Variants in XRRA1 observed in about 807,000 individuals in gnomAD.
XRRA1 encodes the protein X-ray radiation resistance-associated protein 1.
XRRA1 carries 69 observed loss-of-function variants against 80.2 expected under a neutral mutation model. The ratio of observed to expected loss-of-function variants is 0.86; its 90% confidence interval spans 0.71 to 1.05. XRRA1 has a LOEUF of 1.05. XRRA1 is among the 50% of genes least tolerant of loss of function. XRRA1 has a pLI of 0.00. For synonymous variants in XRRA1, 348 were observed against 389.9 expected (o/e 0.89, Z 1.27); for missense variants, 967 against 976.4 (o/e 0.99, Z 0.13).
Position 74,841,532 on chromosome 11 carries a change from CTT to C in XRRA1, c.*1666_*1667del, listed in dbSNP as rs956876122. On this transcript the variant is annotated 3_prime_UTR_variant, in exon 19 of 19. Coordinates refer to ENST00000684022, the MANE Select transcript of XRRA1 (RefSeq NM_001378157.1). ...TATGTATTATCAGTATTTTTTTCCT[CTT>C]AAGAAAAAAATTTACTCTCTCTCCT... 2.0e-5 allele frequency: 3 copies of C among 152,006 alleles called. No homozygotes were observed. The highest frequency in any genetic ancestry group is 7.2e-5 in the African/African-American group (3 of 41,400). The allele number at this position is 152,006 out of a possible 1,614,324, so 9.4% of individuals were successfully genotyped here.
At chr11:74,881,697 G>A (rs1182502532) in intron 10 of XRRA1, among the ~76,000 whole-genome samples, 1 of 152,078 alleles carries the variant, frequency 6.6e-6, no homozygotes, top group African/African-American at 2.4e-5. Flanking sequence ...TTGTAAGGCA[G>A]GCCTGGTGGT....
At chr11:74,897,387 C>T (rs2052575172) in intron 10 of XRRA1, among the ~76,000 whole-genome samples, 1 of 151,810 alleles carries the variant, frequency 6.6e-6, no homozygotes, top group African/African-American at 2.4e-5. Context: ...CCTTAAAAAG[C>T]ACAAATCTAA....
At chr11:74,932,743 A>G (rs1464596028) in intron 5 of XRRA1, among the ~76,000 whole-genome samples, 1 of 152,164 alleles carries the variant, frequency 6.6e-6, no homozygotes, top group Admixed American at 6.5e-5. Flanking sequence ...GCTGGCCTAG[A>G]ATGGAGGGCC....
chr11:74,927,514 T>C (rs769431376), intron 6 of XRRA1, 26 bp from the exon 7 acceptor site: 12 of 1,468,880 alleles, frequency 8.2e-6, no homozygotes, highest in South Asian at 1.1e-5. Flanking sequence ...AAAGAGAGAG[T>C]CTGCAGCTTG....
At chr11:74,859,418 G>A (rs1288284789) in intron 11 of XRRA1, 135 bp from the exon 12 acceptor site, 2 of 962,500 alleles carry the variant, frequency 2.1e-6, no homozygotes, top group African/African-American at 1.7e-5. Flanking sequence ...AGACATGTAG[G>A]GTCATAAGGG....
At chr11:74,884,874 A>G (rs1197111353) in intron 10 of XRRA1, among the ~76,000 whole-genome samples, 1 of 152,264 alleles carries the variant, frequency 6.6e-6, no homozygotes, top group Non-Finnish European at 1.5e-5. Context: ...GAGAAACTAA[A>G]GAAACAAGAG....
In XRRA1 at chr11:74,851,167, C is replaced by T. The variant is rs759696934; in HGVS notation, c.1301G>A (p.Arg434Gln). Residue 434 changes from arginine to glutamine, a missense_variant, in exon 14 of 19, where the codon CGA becomes CAA. Arg to Gln is a conservative substitution (Grantham distance 43). Coordinates refer to ENST00000684022, the MANE Select transcript of XRRA1 (RefSeq NM_001378157.1). ...PPLLKSFLQE[R>Q]LGIHLIRRKI... is the part of the protein sequence containing the mutation. ...CCTTCGAATTAAGTGGATTCCCAGT[C>T]GCTCCTGGAGGAAGCTCTTCAGCAG... The T allele has an allele frequency of 9.3e-6, 15 of 1,613,008 alleles. No homozygotes were observed. The highest frequency in any genetic ancestry group is 6.7e-5 in the East Asian group (3 of 44,868).
At chr11:74,884,731 G>C (rs1195670936) in intron 10 of XRRA1, among the ~76,000 whole-genome samples, 2 of 152,100 alleles carry the variant, frequency 1.3e-5, no homozygotes, top group Non-Finnish European at 2.9e-5. Flanking sequence ...TATCACCCTA[G>C]ACAACAGGGC....
rs200079394 is a variant in XRRA1 at position 74,927,421 on chromosome 11, G to A, written c.492C>T (p.Tyr164=). The change falls in exon 7 of 19, where the codon TAC becomes TAT. Residue 164 remains tyrosine (Y), a synonymous_variant. Coordinates refer to ENST00000684022, the MANE Select transcript of XRRA1 (RefSeq NM_001378157.1). The part of the protein sequence containing the change: ...DLAFNGIKTI[Y]VKYGDFKLLE... Reference sequence around the variant, plus strand: ...ATAACTTAAAGTCTCCATATTTCACGTAGATAGTTTTGATGCCATTAAATG... The same window carrying A: ...ATAACTTAAAGTCTCCATATTTCACATAGATAGTTTTGATGCCATTAAATG... 2.3e-4 allele frequency: 373 copies of A among 1,613,022 alleles called. 1 individual carries two copies. Among genetic ancestry groups the A allele is most frequent in the East Asian group, 1.5e-3 (66 of 44,872 alleles).
intron 8 of XRRA1, chr11:74,911,495 A>G (rs1010867779): frequency 1.3e-5 from 2 of 152,200 alleles, no homozygotes; most frequent in African/African-American, 2.4e-5. Flanking sequence ...GACTTGCCTT[A>G]TTTTATGTAA....
intron 10 of XRRA1, among the ~76,000 whole-genome samples, chr11:74,888,938 C>A (rs1323497557): frequency 6.6e-6 from 1 of 152,170 alleles, no homozygotes; most frequent in African/African-American, 2.4e-5. Flanking sequence ...ATTGGTGTAC[C>A]TGAAAGTTAC....
Position 74,930,354 on chromosome 11 carries a change from TGAA to T in XRRA1, c.367_369del (p.Phe123del). ...ATATAAATCACAGAATGAAAATGCT[TGAA>T]GTCATTTTCCTTGGCCTGTAGGAAA... On this transcript the variant is annotated inframe_deletion, in exon 6 of 19. Transcript: ENST00000684022. The T allele has an allele frequency of 6.4e-7, 1 of 1,563,436 alleles. No homozygotes were observed. Among genetic ancestry groups the T allele is most frequent in the East Asian group, 2.3e-5 (1 of 42,564 alleles).
chr11:74,843,537 C>T (rs924659407), intron 18 of XRRA1, 84 bp from the exon 19 acceptor site: 1 of 1,510,080 alleles, frequency 6.6e-7, no homozygotes, highest in East Asian at 2.4e-5. Flanking sequence ...TCCAGAGACC[C>T]TTGGAAAATG....
chr11:74,890,598 A>G (rs1045014658), intron 10 of XRRA1, among the ~76,000 whole-genome samples: 2 of 152,354 alleles, frequency 1.3e-5, no homozygotes, highest in Admixed American at 6.5e-5. Context: ...CTTCAAAAAA[A>G]TCAATGAATC....
intron 11 of XRRA1, among the ~76,000 whole-genome samples, chr11:74,862,309 T>C (rs746682577): frequency 5.9e-5 from 9 of 152,166 alleles, no homozygotes; most frequent in Admixed American, 1.3e-4. Flanking sequence ...TGAATTGTTA[T>C]TGGGTTGGTT....
chr11:74,912,073 C>G (rs1182255540), intron 8 of XRRA1, among the ~76,000 whole-genome samples: 5 of 152,194 alleles, frequency 3.3e-5, no homozygotes, highest in Non-Finnish European at 7.4e-5. Flanking sequence ...GACTGGTCCT[C>G]TTGCAAAACT....
chr11:74,898,118 G>A (rs1014472087), intron 10 of XRRA1, among the ~76,000 whole-genome samples: 2 of 152,154 alleles, frequency 1.3e-5, no homozygotes, highest in Admixed American at 1.3e-4. Context: ...TAAGTTGGGG[G>A]ACAAAGTTAA....
chr11:74,915,551 G>A (rs1016899626), intron 8 of XRRA1, among the ~76,000 whole-genome samples: 2 of 152,076 alleles, frequency 1.3e-5, no homozygotes, highest in Non-Finnish European at 2.9e-5. Flanking sequence ...CCCCTAATAT[G>A]GCACCGAATT....
At chr11:74,868,308 C>G (rs2043939182) in intron 10 of XRRA1, among the ~76,000 whole-genome samples, 1 of 152,188 alleles carries the variant, frequency 6.6e-6, no homozygotes. Context: ...AGATCCTTTT[C>G]AGACATGCAA....
Sources: gnomAD v4.1 joint callset for allele counts (sites outside exome capture counted in the v4.1 genomes callset) on GRCh38, gnomAD v4.1.1 for gene constraint, MANE v1.5 for transcripts, NCBI Gene and HGNC (gene_info 2026-07-23, HGNC 2026-07-21) for gene names.